The following ELP3 variants were observed in gnomAD, a reference collection of about 807,000 sequenced individuals.
ELP3 encodes elongator complex protein 3.
Under a neutral mutation model 74.9 loss-of-function variants are expected in ELP3, and 56 were observed. That is an observed-to-expected ratio of 0.75 (90% CI 0.60 to 0.93). ELP3 has a LOEUF of 0.93. Among genes scored for constraint, ELP3 ranks in the 40% least tolerant of loss-of-function variants. ELP3 has a pLI of 0.00. For synonymous variants in ELP3, 222 were observed against 239.8 expected (o/e 0.93, Z 0.68); for missense variants, 573 against 686.5 (o/e 0.83, Z 1.85).
At chr8:28,160,055 G>A (rs1814007386) in intron 12 of ELP3, among the ~76,000 whole-genome samples, 174 bp from the exon 13 acceptor site, 1 of 152,162 alleles carries the variant, frequency 6.6e-6, no homozygotes, top group South Asian at 2.1e-4. Flanking sequence ...TGAACAAGGT[G>A]TGAACTTTAA....
intron 5 of ELP3, 147 bp downstream of exon 5, chr8:28,108,123 G>A: frequency 1.6e-6 from 1 of 645,088 alleles, no homozygotes; most frequent in Non-Finnish European, 2.7e-6. Context: ...CCAAATATTT[G>A]CCAGTGTCTA....
chr8:28,103,572 A>C (rs1025452258), intron 3 of ELP3, among the ~76,000 whole-genome samples: 2 of 152,222 alleles, frequency 1.3e-5, no homozygotes, highest in African/African-American at 2.4e-5. Context: ...AACAAGTGCA[A>C]CTGGTAGATC....
intron 7 of ELP3, among the ~76,000 whole-genome samples, chr8:28,121,251 T>C (rs1242274958): frequency 6.6e-6 from 1 of 151,948 alleles, no homozygotes; most frequent in East Asian, 1.9e-4. Context: ...TCTTTCAAAA[T>C]ATTTGTATGT....
chr8:28,177,461 A>G (rs894501879), intron 14 of ELP3, among the ~76,000 whole-genome samples: 2 of 152,264 alleles, frequency 1.3e-5, no homozygotes, highest in African/African-American at 4.8e-5. Context: ...ATGTTGGTAG[A>G]TACATCAAGT....
At chr8:28,132,902 A>G (rs542524950) in intron 9 of ELP3, among the ~76,000 whole-genome samples, 1 of 152,278 alleles carries the variant, frequency 6.6e-6, no homozygotes, top group Non-Finnish European at 1.5e-5. Flanking sequence ...CTTTATGTGT[A>G]TAATTTTTTT....
At chr8:28,151,894 A>G (rs1030961067) in intron 10 of ELP3, among the ~76,000 whole-genome samples, 2 of 152,228 alleles carry the variant, frequency 1.3e-5, no homozygotes, top group Admixed American at 1.3e-4. Context: ...GGATCTGGCC[A>G]GGTTACTGGA....
In ELP3 at chr8:28,095,062, C is replaced by G. The variant is rs189837431; in HGVS notation, c.19+1829C>G. Among the ~76,000 whole-genome samples the G allele has an allele frequency of 4.1e-3, 629 of 152,326 alleles. 3 individuals carry two copies. Among genetic ancestry groups the G allele is most frequent in the African/African-American group, 0.015 (613 of 41,570 alleles). ...TGGCCAGGGTCCCCTGTAATCTGTTCTTTATTACACCCTGTTAGAAAGCTG... is the reference window on the plus strand; with the variant it reads ...TGGCCAGGGTCCCCTGTAATCTGTTGTTTATTACACCCTGTTAGAAAGCTG... On this transcript the variant is annotated intron_variant, in intron 1 of 14. Coordinates refer to ENST00000256398, the MANE Select transcript of ELP3 (RefSeq NM_018091.6).
intron 7 of ELP3, among the ~76,000 whole-genome samples, chr8:28,124,923 C>T (rs1330996024): frequency 6.6e-6 from 1 of 152,074 alleles, no homozygotes; most frequent in East Asian, 1.9e-4. Flanking sequence ...ATATAACCAC[C>T]AATATCGAGG....
At chr8:28,189,486 C>T (rs942671189) in intron 14 of ELP3, among the ~76,000 whole-genome samples, 163 bp from the exon 15 acceptor site, 2 of 152,100 alleles carry the variant, frequency 1.3e-5, no homozygotes, top group African/African-American at 4.8e-5. Context: ...TTAATGCAGC[C>T]TGAATTCAAA....
chr8:28,155,608 T>G (rs917869612), intron 10 of ELP3, among the ~76,000 whole-genome samples: 3 of 152,254 alleles, frequency 2.0e-5, no homozygotes, highest in African/African-American at 7.2e-5. Context: ...CTTGATTTAT[T>G]TGGTACAAAT....
chr8:28,160,704 G>GT (rs1008280378), intron 13 of ELP3, among the ~76,000 whole-genome samples: 15 of 151,782 alleles, frequency 9.9e-5, no homozygotes, highest in Admixed American at 2.0e-4. Flanking sequence ...CATGGAATTG[G>GT]TTTTTTTTGA....
intron 9 of ELP3, among the ~76,000 whole-genome samples, chr8:28,133,499 G>A (rs1426923085): frequency 6.7e-6 from 1 of 149,616 alleles, no homozygotes; most frequent in Non-Finnish European, 1.5e-5. Context: ...TTAACTCTGG[G>A]TTGTTTTATT....
At chr8:28,149,338 A>G (rs1269109035) in intron 10 of ELP3, among the ~76,000 whole-genome samples, 1 of 152,196 alleles carries the variant, frequency 6.6e-6, no homozygotes, top group African/African-American at 2.4e-5. Context: ...TCTTGCTTAA[A>G]TGTTTGGTAG....
At chr8:28,171,643 A>G (rs1173011146) in intron 14 of ELP3, among the ~76,000 whole-genome samples, 3 of 152,236 alleles carry the variant, frequency 2.0e-5, no homozygotes, top group African/African-American at 7.2e-5. Flanking sequence ...CCTTTGATGC[A>G]CAAAAGTTTG....
chr8:28,178,481 G>A (rs1177148342), intron 14 of ELP3, among the ~76,000 whole-genome samples: 1 of 152,188 alleles, frequency 6.6e-6, no homozygotes, highest in Non-Finnish European at 1.5e-5. Context: ...CAACATTGCT[G>A]TAAGATTGAG....
At chr8:28,114,310 C>T (rs1277662612) in intron 7 of ELP3, among the ~76,000 whole-genome samples, 1 of 151,998 alleles carries the variant, frequency 6.6e-6, no homozygotes, top group South Asian at 2.1e-4. Flanking sequence ...ATGGTTAGAT[C>T]CTGTGTTAAT....
intron 14 of ELP3, chr8:28,183,131 TA>T (rs1815085400): frequency 2.2e-6 from 1 of 456,094 alleles, no homozygotes; most frequent in South Asian, 1.5e-5. Context: ...GAAGTCATTT[TA>T]ATAACTTACA....
chr8:28,160,900 GGC>G (rs751993920), intron 13 of ELP3, among the ~76,000 whole-genome samples: 4 of 152,104 alleles, frequency 2.6e-5, no homozygotes, highest in Admixed American at 6.5e-5. Flanking sequence ...TCACCATGTT[GGC>G]CAGGCTAGTC....
intron 2 of ELP3, among the ~76,000 whole-genome samples, chr8:28,098,692 C>A (rs1811353319): frequency 6.6e-6 from 1 of 152,212 alleles, no homozygotes; most frequent in Non-Finnish European, 1.5e-5. Flanking sequence ...AGTTTTTAAA[C>A]CTCTGTACCT....
Sources: gnomAD v4.1 joint callset for allele counts (sites outside exome capture counted in the v4.1 genomes callset) on GRCh38, gnomAD v4.1.1 for gene constraint, MANE v1.5 for transcripts, NCBI Gene and HGNC (gene_info 2026-07-23, HGNC 2026-07-21) for gene names.